RABGAP1L: variants seen among roughly 807,000 people sequenced by gnomAD.
RABGAP1L encodes the protein rab GTPase-activating protein 1-like.
A neutral mutation model predicts 137.7 loss-of-function variants in RABGAP1L; 63 were observed. The ratio of observed to expected loss-of-function variants is 0.46; its 90% CI spans 0.37 to 0.56. The LOEUF is 0.56. Among genes scored for constraint, RABGAP1L ranks in the 20% least tolerant of loss-of-function variants. The pLI is 0.00. For missense variants in RABGAP1L, 1,095 were observed against 1,244.0 expected, an observed-to-expected ratio of 0.88 and a Z score of 1.80; for synonymous variants, 431 against 433.7, an observed-to-expected ratio of 0.99 and a Z score of 0.08.
At chr1:174,849,339 T>C (rs1647797523) in intron 19 of RABGAP1L, among the ~76,000 whole-genome samples, 1 of 152,098 alleles carries the variant, frequency 6.6e-6, no homozygotes, top group South Asian at 2.1e-4. Flanking sequence ...AAAACTTAAA[T>C]GAGGGATTCA....
At chr1:174,969,722 T>A (rs12075140) in intron 21 of RABGAP1L, among the ~76,000 whole-genome samples, 21,562 of 152,222 alleles carry the variant, frequency 0.14, 5,051 homozygotes, top group African/African-American at 0.49. Flanking sequence ...TAACAGTAGA[T>A]GCCTTACTTT....
At position 174,683,562 on chromosome 1, in the gene RABGAP1L, G is replaced by A. The variant is rs1197840692; in HGVS notation, c.1865G>A (p.Gly622Glu). The A allele has an allele frequency of 6.2e-7, 1 of 1,609,644 alleles. No homozygotes were observed. The part of the protein sequence containing the change: ...VYDEDIGYCQ[G>E]QSFLAAVLLL... ...GATGAAGACATTGGGTACTGTCAAG[G>A]GCAGTCTTTTCTTGCTGCTGTATTA... Residue 622 changes from glycine (G) to glutamate (E), a missense_variant, in exon 15 of 26, where the codon GGG (glycine) becomes GAG (glutamate). By Grantham distance (98) the Gly-to-Glu change is moderately conservative. This residue lies in a region of RABGAP1L where 315 missense variants were observed against 324.8 expected (regional missense o/e 0.97). Coordinates refer to ENST00000681986, the MANE Select transcript of RABGAP1L (RefSeq NM_001366446.1).
In RABGAP1L at chr1:174,283,974, T is replaced by C. The variant is rs73036652; in HGVS notation, c.1323+5195T>C. ...TATCTCTACCTAGTTCATGAATTTTTCATCTCAGGGTATAATTGAAAAAAC... is the reference window on the plus strand; with the variant it reads ...TATCTCTACCTAGTTCATGAATTTTCCATCTCAGGGTATAATTGAAAAAAC... On this transcript the variant is annotated intron_variant, in intron 10 of 25. Transcript: ENST00000681986. 5.3e-3 allele frequency among the ~76,000 whole-genome samples: 803 copies of C among 152,346 alleles called. 10 individuals carry two copies. Among genetic ancestry groups the C allele is most frequent in the African/African-American group, 0.018 (762 of 41,582 alleles).
At chr1:174,835,344 G>A (rs963514676) in intron 19 of RABGAP1L, among the ~76,000 whole-genome samples, 11 of 149,622 alleles carry the variant, frequency 7.4e-5, no homozygotes, top group African/African-American at 2.7e-4. Context: ...AATATTCTTA[G>A]TTAGTTGAAC....
At chr1:174,247,685 G>A (rs1672379724) in intron 5 of RABGAP1L, among the ~76,000 whole-genome samples, 1 of 152,192 alleles carries the variant, frequency 6.6e-6, no homozygotes, top group Non-Finnish European at 1.5e-5. Context: ...CCCTGCATTT[G>A]CATATGAAAA....
intron 19 of RABGAP1L, among the ~76,000 whole-genome samples, chr1:174,923,878 CAAAAAAA>C (rs1176474943): frequency 9.2e-5 from 8 of 87,260 alleles, no homozygotes; most frequent in East Asian, 3.1e-4. Flanking sequence ...GAGACTGTCT[CAAAAAAA>C]AAAAAAAAAA....
intron 13 of RABGAP1L, among the ~76,000 whole-genome samples, chr1:174,466,442 C>T (rs565402428): frequency 7.2e-5 from 11 of 152,062 alleles, no homozygotes; most frequent in Non-Finnish European, 1.6e-4. Flanking sequence ...ATATCTAGTT[C>T]CCATTTTTTC....
intron 13 of RABGAP1L, among the ~76,000 whole-genome samples, chr1:174,399,882 C>G (rs140396429): frequency 2.6e-5 from 4 of 152,056 alleles, no homozygotes; most frequent in African/African-American, 9.7e-5. Flanking sequence ...GTCCCTCCCA[C>G]GACACATGAG....
Position 174,540,119 on chromosome 1 carries a change from T to C in RABGAP1L, c.1711-97256T>C, listed in dbSNP as rs532562618. ...TTGAGAAGTGTCTGTTCATATCCTT[T>C]GCCCACTTTTTGATGGGGTAGTTTG... On this transcript the variant is annotated intron_variant, in intron 13 of 25. Transcript: ENST00000681986. Among the ~76,000 whole-genome samples the C allele has an allele frequency of 2.3e-4, 35 of 152,310 alleles. No individual in the cohort carries two copies. In the South Asian group the frequency reaches 6.4e-3, roughly 28 times the overall value.
chr1:174,349,050 G>GGA (rs1553278374), intron 11 of RABGAP1L, among the ~76,000 whole-genome samples: 1 of 150,856 alleles, frequency 6.6e-6, no homozygotes, highest in African/African-American at 2.4e-5. Flanking sequence ...CGGGCGGGGG[G>GGA]GGGGCTGACC....
chr1:174,633,619 C>T lies in RABGAP1L; in HGVS notation c.1711-3756C>T, dbSNP rs1422968629. On this transcript the variant is annotated intron_variant, in intron 13 of 25. Coordinates refer to ENST00000681986, the MANE Select transcript of RABGAP1L (RefSeq NM_001366446.1). ...GAACAAAGCTGGAGGCAGCACACTACCTGACTTCAAACTATACTACAAGGC... is the reference window on the plus strand; with the variant it reads ...GAACAAAGCTGGAGGCAGCACACTATCTGACTTCAAACTATACTACAAGGC... 1.7e-5 allele frequency among the ~76,000 whole-genome samples: 2 copies of T among 117,232 alleles called. 1 individual carries two copies. The highest frequency in any genetic ancestry group is 3.3e-5 in the Non-Finnish European group (2 of 61,078). 76.9% of individuals were successfully genotyped at this position (117,232 alleles called of 152,430 possible).
intron 13 of RABGAP1L, among the ~76,000 whole-genome samples, chr1:174,534,915 T>C (rs1156552108): frequency 6.6e-6 from 1 of 152,072 alleles, no homozygotes; most frequent in African/African-American, 2.4e-5. Context: ...TAATAGTTGA[T>C]CTGATGACAG....
intron 18 of RABGAP1L, among the ~76,000 whole-genome samples, chr1:174,798,406 CA>C (rs559223351): frequency 8.6e-4 from 107 of 124,698 alleles, no homozygotes; most frequent in South Asian, 1.0e-3. Flanking sequence ...CCGTTTCAAA[CA>C]AAAAAAAAAA....
At chr1:174,506,308 T>A (rs1184652326) in intron 13 of RABGAP1L, among the ~76,000 whole-genome samples, 3 of 152,240 alleles carry the variant, frequency 2.0e-5, no homozygotes, top group Non-Finnish European at 2.9e-5. Flanking sequence ...ATAGCCACTC[T>A]GGTGCTACCA....
intron 17 of RABGAP1L, among the ~76,000 whole-genome samples, chr1:174,744,090 T>TAA (rs10694829): frequency 0.062 from 2,806 of 45,128 alleles, 545 homozygotes; most frequent in Non-Finnish European, 0.089. Context: ...GTGAAATACG[T>TAA]AAAAAAAAAA....
At chr1:174,744,809 G>A (rs1480656175) in intron 17 of RABGAP1L, among the ~76,000 whole-genome samples, 3 of 152,024 alleles carry the variant, frequency 2.0e-5, no homozygotes, top group African/African-American at 7.2e-5. Flanking sequence ...ATTGCATCCT[G>A]GACCAGAAAA....
intron 19 of RABGAP1L, among the ~76,000 whole-genome samples, chr1:174,886,261 C>T (rs1263684266): frequency 6.6e-6 from 1 of 152,162 alleles, no homozygotes; most frequent in African/African-American, 2.4e-5. Flanking sequence ...GTCTTCCCGC[C>T]TTGACCTCCC....
intron 19 of RABGAP1L, among the ~76,000 whole-genome samples, chr1:174,894,318 T>C (rs187585423): frequency 1.8e-3 from 270 of 152,330 alleles, no homozygotes; most frequent in Non-Finnish European, 2.1e-3. Context: ...CTCAGCTTCC[T>C]TCTTACTAAA....
intron 13 of RABGAP1L, among the ~76,000 whole-genome samples, chr1:174,582,631 C>G (rs1668825261): frequency 6.6e-6 from 1 of 152,142 alleles, no homozygotes; most frequent in Non-Finnish European, 1.5e-5. Context: ...CTGTCCACTT[C>G]ATACAATATG....
Sources: gnomAD v4.1 joint callset for allele counts (sites outside exome capture counted in the v4.1 genomes callset) on GRCh38, gnomAD v4.1.1 for gene constraint, gnomAD v4.1.1 regional missense constraint, MANE v1.5 for transcripts, NCBI Gene and HGNC (gene_info 2026-07-23, HGNC 2026-07-21) for gene names.